The following DMD variants were observed in gnomAD, a reference collection of about 807,000 sequenced individuals.
The protein encoded by DMD is mutant dystrophin.
A neutral mutation model predicts 330.1 loss-of-function variants in DMD; 63 were observed. That is an observed-to-expected ratio of 0.19 (90% CI 0.16 to 0.24). DMD has a LOEUF of 0.24. Ranked by LOEUF, DMD falls within the 10% of genes least tolerant of loss-of-function variation. The pLI is 1.00. For missense variants in DMD, 3,344 were observed against 2,684.1 expected (o/e 1.25, Z -5.43); for synonymous variants, 1,223 against 959.8 (o/e 1.27, Z -5.07).
In DMD at chrX:31,209,656, C is replaced by T. The variant is rs1387221027; in HGVS notation, c.9405G>A (p.Gln3135=). ...SLSAACDALD[Q]HNLKQNDQPM... ...GCTGGTCATTTTGCTTGAGGTTGTG[C>T]TGGTCCAAGGCATCACATGCAGCTG... The change falls in exon 65 of 79, where the codon CAG becomes CAA. Residue 3135 remains glutamine, a synonymous_variant. Transcript: ENST00000357033. 1 of 1,211,401 alleles carries T rather than the reference C, an allele frequency of 8.3e-7. No homozygotes were observed. The highest frequency in any genetic ancestry group is 1.1e-6 in the Non-Finnish European group (1 of 895,366).
At chrX:32,771,126 C>T (rs185015617) in intron 7 of DMD, among the ~76,000 whole-genome samples, 9 of 111,896 alleles carry the variant, frequency 8.0e-5, no homozygotes, top group East Asian at 5.7e-4. Flanking sequence ...CTATGATTAG[C>T]GCATGCAATA....
Position 31,444,541 on chromosome X carries a change from C to T in DMD, c.9024G>A (p.Gln3008=). The change falls in exon 60 of 79, where the codon CAG becomes CAA. Residue 3008 remains glutamine (Q), a synonymous_variant. Transcript: ENST00000357033. ...LARQLTTLGI[Q]LSPYNLSTLE... ...GAGTGCTGAGGTTATACGGTGAGAG[C>T]TGAATGCCCAAAGTGGTAAGCTGGC... is the stretch of plus-strand genomic sequence containing the variant. 8.3e-7 allele frequency: 1 copy of T among 1,211,782 alleles called. No homozygotes were observed.
At chrX:31,607,365 G>A (rs1005121840) in intron 55 of DMD, among the ~76,000 whole-genome samples, 11 of 111,906 alleles carry the variant, frequency 9.8e-5, no homozygotes, top group African/African-American at 3.6e-4. Context: ...TATAGGTACT[G>A]GAACAACATT....
intron 7 of DMD, among the ~76,000 whole-genome samples, chrX:32,727,964 A>G (rs936628768): frequency 3.6e-5 from 4 of 111,555 alleles, no homozygotes; most frequent in Non-Finnish European, 5.7e-5. Flanking sequence ...GGAAAAAATG[A>G]GCTTGTATTT....
chrX:32,721,804 G>T (rs966839472), intron 7 of DMD, among the ~76,000 whole-genome samples: 2 of 110,171 alleles, frequency 1.8e-5, no homozygotes, highest in African/African-American at 6.6e-5. Context: ...TTTCTTCTAG[G>T]AGTCTTATGA....
At chrX:33,015,690 CT>C (rs2093788929) in intron 2 of DMD, among the ~76,000 whole-genome samples, 1 of 111,148 alleles carries the variant, frequency 9.0e-6, no homozygotes, top group African/African-American at 3.3e-5. Flanking sequence ...GAAAGGCTAC[CT>C]TACTGACTCA....
chrX:31,496,983 G>T lies in DMD; in HGVS notation c.8391-39C>A. The stretch of plus-strand genomic sequence containing the variant: ...GCAGCGTACCATGTCAGAATATCTA[G>T]AAGTGTAATTGATGATTCTAACAAT... On this transcript the variant is annotated intron_variant, in intron 56 of 78. Coordinates refer to ENST00000357033, the MANE Select transcript of DMD (RefSeq NM_004006.3). The T allele has an allele frequency of 2.6e-6, 3 of 1,170,556 alleles. No individual in the cohort carries two copies. The South Asian group carries it at 5.6e-5, about 22-fold the overall frequency.
intron 44 of DMD, among the ~76,000 whole-genome samples, chrX:32,127,924 C>T (rs2146870613): frequency 8.9e-6 from 1 of 112,060 alleles, no homozygotes; most frequent in Non-Finnish European, 1.9e-5. Flanking sequence ...AATGCAAAGA[C>T]ATGTATTTGC....
intron 6 of DMD, among the ~76,000 whole-genome samples, chrX:32,815,936 C>T (rs780101356): frequency 9.0e-6 from 1 of 111,340 alleles, no homozygotes; most frequent in Non-Finnish European, 1.9e-5. Context: ...CTCTGAGCAT[C>T]TTATGACCCT....
intron 2 of DMD, among the ~76,000 whole-genome samples, chrX:32,911,910 C>G (rs1189040515): frequency 1.8e-5 from 2 of 110,407 alleles, no homozygotes; most frequent in Non-Finnish European, 3.8e-5. Context: ...GAGAGAAGAA[C>G]AGAGTTGACA....
chrX:32,140,604 A>G (rs1358548316), intron 44 of DMD, among the ~76,000 whole-genome samples: 1 of 111,948 alleles, frequency 8.9e-6, no homozygotes, highest in Middle Eastern at 4.2e-3. Context: ...GACATACTTG[A>G]GACTGGGAAG....
intron 50 of DMD, among the ~76,000 whole-genome samples, chrX:31,791,973 C>T (rs2091592921): frequency 8.9e-6 from 1 of 112,161 alleles, no homozygotes; most frequent in South Asian, 3.6e-4. Context: ...AAATGCTTTA[C>T]ATATAATTTA....
chrX:32,593,166 G>A (rs1366323585), intron 13 of DMD, among the ~76,000 whole-genome samples: 3 of 112,625 alleles, frequency 2.7e-5, no homozygotes, highest in South Asian at 3.6e-4. Flanking sequence ...GGTGCTGCCG[G>A]CCACAGAGGT....
At chrX:32,251,706 A>G (rs922724897) in intron 43 of DMD, among the ~76,000 whole-genome samples, 1 of 111,848 alleles carries the variant, frequency 8.9e-6, no homozygotes, top group African/African-American at 3.3e-5. Context: ...GAGGTGGCTC[A>G]TATCTGTAAT....
chrX:31,250,798 C>T (rs1014558230), intron 63 of DMD, among the ~76,000 whole-genome samples: 1 of 111,258 alleles, frequency 9.0e-6, no homozygotes, highest in African/African-American at 3.3e-5. Flanking sequence ...AAAACCACCA[C>T]CGCGGCTGGG....
chrX:32,050,319 T>A (rs2096099199), intron 44 of DMD, among the ~76,000 whole-genome samples: 1 of 111,229 alleles, frequency 9.0e-6, no homozygotes, highest in Non-Finnish European at 1.9e-5. Flanking sequence ...ATTATGCTTT[T>A]AGGAAGTGTT....
chrX:32,072,764 T>C (rs1481086652), intron 44 of DMD, among the ~76,000 whole-genome samples: 1 of 111,814 alleles, frequency 8.9e-6, no homozygotes, highest in Non-Finnish European at 1.9e-5. Flanking sequence ...TTAGGTAGCC[T>C]GGGGAAAAAA....
rs201370550 is a variant in DMD at position 31,728,714 on chromosome X, GA to G, written c.7660+916del. On this transcript the variant is annotated intron_variant, in intron 52 of 78. Coordinates refer to ENST00000357033, the MANE Select transcript of DMD (RefSeq NM_004006.3). ...GGTAAAAGACAAAAGATTTCAAAGA[GA>G]AAAAAAAAGATGGCTGAAAGGTTTT... Among the ~76,000 whole-genome samples, 689 of 109,539 alleles carry G rather than the reference GA, an allele frequency of 6.3e-3. 4 individuals carry two copies. The highest frequency in any genetic ancestry group is 0.021 in the African/African-American group (633 of 30,174).
intron 60 of DMD, among the ~76,000 whole-genome samples, chrX:31,399,481 T>C (rs1287447747): frequency 1.8e-5 from 2 of 108,673 alleles, no homozygotes; most frequent in African/African-American, 6.7e-5. Flanking sequence ...AAAGGCACCC[T>C]TCAAGAGGGA....
Sources: gnomAD v4.1 joint callset for allele counts (sites outside exome capture counted in the v4.1 genomes callset) on GRCh38, gnomAD v4.1.1 for gene constraint, MANE v1.5 for transcripts, NCBI Gene and HGNC (gene_info 2026-07-23, HGNC 2026-07-21) for gene names.